NCOR1: variants seen among roughly 807,000 people sequenced by gnomAD.
The protein encoded by NCOR1 is protein phosphatase 1, regulatory subunit 109.
NCOR1 carries 63 observed loss-of-function variants against 288.1 expected under a neutral mutation model. The ratio of observed to expected loss-of-function variants is 0.22; its 90% CI spans 0.18 to 0.27. The LOEUF (loss-of-function observed/expected upper bound fraction) is 0.27. Ranked by LOEUF, NCOR1 falls within the 10% of genes least tolerant of loss-of-function variation. NCOR1 has a pLI of 1.00. For missense variants in NCOR1, 2,397 were observed against 3,019.2 expected (o/e 0.79, Z 4.83); for synonymous variants, 1,007 against 1,065.9 (o/e 0.94, Z 1.08).
intron 42 of NCOR1, among the ~76,000 whole-genome samples, chr17:16,042,363 G>T (rs1167790012): frequency 2.6e-5 from 4 of 152,110 alleles, no homozygotes; most frequent in African/African-American, 4.8e-5. Flanking sequence ...TTACCTTATT[G>T]ATCAAAAATG....
chr17:16,140,997 C>CAAAAAAAAAAAAAAAAAAAAAAAAAAA (rs372397821), intron 11 of NCOR1, among the ~76,000 whole-genome samples: 2 of 113,692 alleles, frequency 1.8e-5, no homozygotes, highest in Admixed American at 9.2e-5. Flanking sequence ...TCTCCTATCT[C>CAAAAAAAAAAAAAAAAAAAAAAAAAAA]AAAAAAAAAA....
At chr17:16,209,676 G>A (rs1162320190) in intron 1 of NCOR1, among the ~76,000 whole-genome samples, 1 of 150,184 alleles carries the variant, frequency 6.7e-6, no homozygotes, top group Non-Finnish European at 1.5e-5. Context: ...ACTCGGCCAA[G>A]TGCGATGGCT....
At chr17:16,147,481 T>C (rs1265675785) in intron 9 of NCOR1, among the ~76,000 whole-genome samples, 1 of 152,168 alleles carries the variant, frequency 6.6e-6, no homozygotes, top group African/African-American at 2.4e-5. Context: ...TGAATTATGA[T>C]ACCATTTTCT....
intron 32 of NCOR1, among the ~76,000 whole-genome samples, chr17:16,066,930 G>A (rs111246492): frequency 2.6e-5 from 4 of 152,180 alleles, no homozygotes; most frequent in Admixed American, 2.6e-4. Context: ...GCACCTGAAG[G>A]ATACTTATTA....
At chr17:16,076,240 AATTAT>A (rs771352077) in intron 26 of NCOR1, among the ~76,000 whole-genome samples, 2 of 152,182 alleles carry the variant, frequency 1.3e-5, no homozygotes, top group African/African-American at 4.8e-5. Flanking sequence ...AGACGATGAA[AATTAT>A]GTTATACAAA....
chr17:16,128,740 T>G (rs775996118), intron 14 of NCOR1, among the ~76,000 whole-genome samples: 3 of 152,168 alleles, frequency 2.0e-5, no homozygotes, highest in Non-Finnish European at 4.4e-5. Context: ...AAATTTCCCT[T>G]CTTAATAGCG....
At chr17:16,106,884 T>TATATATATATATATA (rs58380966) in intron 19 of NCOR1, among the ~76,000 whole-genome samples, 2 of 32,702 alleles carry the variant, frequency 6.1e-5, no homozygotes, top group Admixed American at 4.4e-4. Context: ...TATATATATA[T>TATATATATATATATA]TTTTTTTTTT....
chr17:16,056,046 T>C (rs759462774), intron 40 of NCOR1, among the ~76,000 whole-genome samples: 3 of 152,204 alleles, frequency 2.0e-5, no homozygotes, highest in African/African-American at 4.8e-5. Flanking sequence ...TCTACTTTTG[T>C]ATGTATTTGA....
chr17:16,086,009 T>C (rs1293370847), intron 23 of NCOR1, among the ~76,000 whole-genome samples: 1 of 152,206 alleles, frequency 6.6e-6, no homozygotes, highest in Non-Finnish European at 1.5e-5. Context: ...TTTAGAGTGA[T>C]GTAAATTAAA....
Position 16,057,559 on chromosome 17 carries a change from C to T in NCOR1, c.6347G>A (p.Gly2116Asp). The change falls in exon 40 of 46, where the codon GGT (glycine) becomes GAT (aspartate). Residue 2116 changes from glycine (G) to aspartate (D), a missense_variant. Physicochemically the swap from Gly to Asp is moderately conservative, Grantham distance 94. This residue lies in a region of NCOR1 where 1,872 missense variants were observed against 2,187.8 expected (regional missense o/e 0.86). Coordinates refer to ENST00000268712, the MANE Select transcript of NCOR1 (RefSeq NM_006311.4). ...AAGATTTTCTGGAGAGACCCTTGAA[C>T]CTGGTCTTTGATGATGGACAGACTG... ...QAQSVHHQRP[G>D]SRVSPENLVD... 2 of 1,614,118 alleles carry T rather than the reference C, an allele frequency of 1.2e-6. No homozygotes were observed. The highest frequency in any genetic ancestry group is 1.7e-6 in the Non-Finnish European group (2 of 1,180,020).
intron 14 of NCOR1, among the ~76,000 whole-genome samples, chr17:16,135,176 A>C (rs919105446): frequency 4.6e-5 from 7 of 151,588 alleles, no homozygotes; most frequent in Admixed American, 2.6e-4. Flanking sequence ...AAAAAAAAAA[A>C]AAAAAACTGT....
At chr17:16,169,184 A>G (rs1413323959) in intron 4 of NCOR1, among the ~76,000 whole-genome samples, 1 of 152,196 alleles carries the variant, frequency 6.6e-6, no homozygotes. Flanking sequence ...GAATGTACAA[A>G]GGGGGCACAT....
intron 13 of NCOR1, 79 bp downstream of exon 13, chr17:16,138,079 A>C: frequency 8.6e-7 from 1 of 1,160,682 alleles, no homozygotes. Flanking sequence ...TTAACTACTT[A>C]TATGTGTCAG....
intron 1 of NCOR1, among the ~76,000 whole-genome samples, chr17:16,202,598 G>C (rs1390264936): frequency 6.6e-6 from 1 of 152,162 alleles, no homozygotes; most frequent in African/African-American, 2.4e-5. Flanking sequence ...CTGAGCTCTA[G>C]ATATATACTA....
Position 16,080,673 on chromosome 17 carries a change from T to C in NCOR1, c.3232A>G (p.Thr1078Ala). The change falls in exon 24 of 46, where the codon ACA (threonine) becomes GCA (alanine). Residue 1078 changes from threonine (T) to alanine (A), a missense_variant. Thr to Ala is a moderately conservative substitution (Grantham distance 58). Around this residue, in one of 11 missense-constraint regions of NCOR1, gnomAD observed 1,872 missense variants for 2,187.8 expected, o/e 0.86. Transcript: ENST00000268712. Reference sequence around the variant, plus strand: ...ATAGATCCCACTGACGGCTTGGGTGTTTCTTGAGTGTAGGAAGCCTGATTA... The same window carrying C: ...ATAGATCCCACTGACGGCTTGGGTGCTTCTTGAGTGTAGGAAGCCTGATTA... ...SHNQASYTQE[T>A]PKPSVGSISL... 6.2e-7 allele frequency: 1 copy of C among 1,614,136 alleles called. No individual in the cohort carries two copies. Among genetic ancestry groups the C allele is most frequent in the Non-Finnish European group, 8.5e-7 (1 of 1,180,008 alleles).
chr17:16,172,019 C>T (rs1298567916), intron 3 of NCOR1, 24 bp from the exon 4 acceptor site: 1 of 1,515,608 alleles, frequency 6.6e-7, no homozygotes, highest in Non-Finnish European at 8.9e-7. Context: ...AGAAAATAAA[C>T]ACTTGAAAAT....
chr17:16,086,331 G>A lies in NCOR1; in HGVS notation c.3128C>T (p.Thr1043Ile), dbSNP rs376522360. ...AAAAGATGGTTTTTCTGAAGCCACT[G>A]TGGTTTTGGATGACGGGATGAGAGG... Reference protein sequence around the residue: ...PPPLIPSSKTTVASEKPSFIM... With the variant: ...PPPLIPSSKTIVASEKPSFIM... Residue 1043 changes from threonine to isoleucine, a missense_variant, in exon 23 of 46, where the codon ACA becomes ATA. Thr to Ile is a moderately conservative substitution (Grantham distance 89, BLOSUM62 -1). Transcript: ENST00000268712. 4 of 1,614,068 alleles carry A rather than the reference G, an allele frequency of 2.5e-6. No individual in the cohort carries two copies. In the African/African-American group the frequency reaches 5.3e-5, roughly 22 times the overall value.
In NCOR1 at chr17:16,091,891, T is replaced by A. The variant is rs201122779; in HGVS notation, c.2988A>T (p.Thr996=). The A allele has an allele frequency of 8.1e-5, 131 of 1,614,200 alleles. No individual in the cohort carries two copies. In the East Asian group the frequency reaches 2.7e-3, roughly 33 times the overall value. Residue 996 remains threonine, a synonymous_variant, in exon 22 of 46, where the codon ACA becomes ACT. Transcript: ENST00000268712. ...ECRSSTSPCG[T]SKSPNREWEV... is the part of the protein sequence containing the mutation. ...CCCACTCTCTGTTTGGACTCTTGGA[T>A]GTGCCACATGGACTTGTAGAACTTC...
chr17:16,194,397 TTAAATAGGAAAA>T (rs2089312879), intron 2 of NCOR1, 53 bp downstream of exon 2: 2 of 1,116,222 alleles, frequency 1.8e-6, no homozygotes, highest in African/African-American at 3.1e-5. Flanking sequence ...CACATGTGTA[TTAAATAGGAAAA>T]GTAAAGAAAA....
Sources: gnomAD v4.1 joint callset for allele counts (sites outside exome capture counted in the v4.1 genomes callset) on GRCh38, gnomAD v4.1.1 for gene constraint, gnomAD v4.1.1 regional missense constraint, MANE v1.5 for transcripts, NCBI Gene and HGNC (gene_info 2026-07-23, HGNC 2026-07-21) for gene names.